Variants in RPS6KC1 observed in about 807,000 individuals in gnomAD.
RPS6KC1 encodes the protein ribosomal protein S6 kinase C1.
RPS6KC1 carries 54 observed loss-of-function variants against 103.8 expected under a neutral mutation model. That is an observed-to-expected ratio of 0.52 (90% CI 0.42 to 0.65). RPS6KC1 has a LOEUF of 0.65. Ranked by LOEUF, RPS6KC1 falls within the 30% of genes least tolerant of loss-of-function variation. RPS6KC1 has a pLI of 0.00. For synonymous variants in RPS6KC1, 439 were observed against 438.7 expected (o/e 1.00, Z -0.01); for missense variants, 1,151 against 1,253.8 (o/e 0.92, Z 1.24).
the RPS6KC1 span, among the ~76,000 whole-genome samples, chr1:213,426,516 T>C: frequency 6.6e-6 from 1 of 152,208 alleles, no homozygotes; most frequent in African/African-American, 2.4e-5. Flanking sequence ...CTATGTCAAT[T>C]TTATTTGAAT....
the RPS6KC1 span, among the ~76,000 whole-genome samples, chr1:213,287,045 ATATTTTTAAGAAG>A: frequency 7.9e-5 from 12 of 152,358 alleles, no homozygotes; most frequent in Admixed American, 1.3e-4. Flanking sequence ...ATTGAAAGAT[ATATTTTTAAGAAG>A]TATTTTTAAG....
chr1:213,638,399 A>G, the RPS6KC1 span, among the ~76,000 whole-genome samples: 1 of 152,162 alleles, frequency 6.6e-6, no homozygotes, highest in African/African-American at 2.4e-5. Context: ...TTTATGGATT[A>G]TCCTTTAGTT....
chr1:213,076,902 C>A (rs1191840642), intron 2 of RPS6KC1, among the ~76,000 whole-genome samples: 2 of 150,648 alleles, frequency 1.3e-5, no homozygotes, highest in South Asian at 4.2e-4. Context: ...AAGAGTCTTA[C>A]TCTGTTGCTG....
At chr1:213,240,390 A>G (rs572626601) in intron 10 of RPS6KC1, among the ~76,000 whole-genome samples, 1 of 152,306 alleles carries the variant, frequency 6.6e-6, no homozygotes, top group African/African-American at 2.4e-5. Flanking sequence ...AATGATATTT[A>G]ACTTTAGAGT....
chr1:213,418,862 A>G, the RPS6KC1 span, among the ~76,000 whole-genome samples: 53,023 of 152,074 alleles, frequency 0.35, 11,054 homozygotes, highest in African/African-American at 0.59. Flanking sequence ...AAGGCCAGGC[A>G]GAGTGTACTC....
chr1:213,249,578 G>C (rs2094509406), intron 12 of RPS6KC1, among the ~76,000 whole-genome samples: 2 of 152,178 alleles, frequency 1.3e-5, no homozygotes, highest in South Asian at 4.1e-4. Flanking sequence ...ACAATTTTCA[G>C]TTAGCCTTTT....
At chr1:213,592,780 A>T in the RPS6KC1 span, among the ~76,000 whole-genome samples, 2 of 152,218 alleles carry the variant, frequency 1.3e-5, no homozygotes, top group African/African-American at 4.8e-5. Flanking sequence ...GAGATACAGT[A>T]GTGGACAAGA....
At chr1:213,685,629 C>CAAA in the RPS6KC1 span, among the ~76,000 whole-genome samples, 12 of 95,694 alleles carry the variant, frequency 1.3e-4, no homozygotes, top group Non-Finnish European at 1.8e-4. Flanking sequence ...GACTCCATTT[C>CAAA]AAAAAAAAAA....
At chr1:213,473,637 G>A in the RPS6KC1 span, among the ~76,000 whole-genome samples, 1 of 152,272 alleles carries the variant, frequency 6.6e-6, no homozygotes, top group Non-Finnish European at 1.5e-5. Flanking sequence ...AAGGGAGTAG[G>A]ACAAATAGCC....
chr1:213,626,475 G>A, the RPS6KC1 span, among the ~76,000 whole-genome samples: 7 of 152,074 alleles, frequency 4.6e-5, 1 homozygote, highest in Non-Finnish European at 8.8e-5. Flanking sequence ...CATTGCTTTT[G>A]GTGTTTTAGA....
the RPS6KC1 span, among the ~76,000 whole-genome samples, chr1:213,489,810 T>C: frequency 6.6e-6 from 1 of 152,122 alleles, no homozygotes; most frequent in African/African-American, 2.4e-5. Context: ...GGCTAATATG[T>C]TCAATGGAAA....
chr1:213,702,226 A>C, the RPS6KC1 span, among the ~76,000 whole-genome samples: 1 of 151,922 alleles, frequency 6.6e-6, no homozygotes, highest in African/African-American at 2.4e-5. Context: ...TATAGTTTCC[A>C]AAATTCCTCT....
the RPS6KC1 span, among the ~76,000 whole-genome samples, chr1:213,787,834 ACTT>A: frequency 9.9e-5 from 15 of 152,214 alleles, no homozygotes; most frequent in African/African-American, 3.6e-4. Flanking sequence ...AATACACTGT[ACTT>A]CTATGGAACA....
At chr1:213,837,623 A>G in the RPS6KC1 span, among the ~76,000 whole-genome samples, 1 of 152,182 alleles carries the variant, frequency 6.6e-6, no homozygotes, top group African/African-American at 2.4e-5. Flanking sequence ...ACAGAAAGGC[A>G]TTAATAGAGC....
At chr1:213,092,418 T>A (rs1572470751) in intron 3 of RPS6KC1, among the ~76,000 whole-genome samples, 1 of 152,218 alleles carries the variant, frequency 6.6e-6, no homozygotes, top group East Asian at 1.9e-4. Context: ...ATGTCTGTAA[T>A]CCCAGCACTT....
Position 213,189,549 on chromosome 1 carries a change from T to G in RPS6KC1, c.1044+13057T>G, listed in dbSNP as rs190791549. 4.7e-3 allele frequency among the ~76,000 whole-genome samples: 709 copies of G among 152,228 alleles called. 7 individuals are homozygous for G. The highest frequency in any genetic ancestry group is 6.3e-3 in the Non-Finnish European group (428 of 68,004). On this transcript the variant is annotated intron_variant, in intron 8 of 14. Coordinates refer to ENST00000366960, the MANE Select transcript of RPS6KC1 (RefSeq NM_012424.6). The stretch of plus-strand genomic sequence containing the variant: ...TGGGTACATAGTAGGTGTATGAATT[T>G]ATGGGTTATATGAGATATTTTGATA...
chr1:213,091,182 C>T (rs566843552), intron 3 of RPS6KC1, among the ~76,000 whole-genome samples: 58 of 152,050 alleles, frequency 3.8e-4, no homozygotes, highest in African/African-American at 1.3e-3. Flanking sequence ...CTCAGCCTCC[C>T]GAGTAGCTGG....
the RPS6KC1 span, among the ~76,000 whole-genome samples, chr1:213,339,133 G>T: frequency 6.6e-6 from 1 of 152,024 alleles, no homozygotes; most frequent in Non-Finnish European, 1.5e-5. Flanking sequence ...ATGTGGTGGC[G>T]CATGCCTGTA....
At chr1:213,262,137 TATG>T (rs1199021714) in intron 13 of RPS6KC1, among the ~76,000 whole-genome samples, 1 of 152,192 alleles carries the variant, frequency 6.6e-6, no homozygotes, top group African/African-American at 2.4e-5. Flanking sequence ...GACTTTTGAA[TATG>T]ATGTTTGAGT....
Sources: gnomAD v4.1 joint callset for allele counts (sites outside exome capture counted in the v4.1 genomes callset) on GRCh38, gnomAD v4.1.1 for gene constraint, MANE v1.5 for transcripts, NCBI Gene and HGNC (gene_info 2026-07-23, HGNC 2026-07-21) for gene names.